Variants in PTK2B observed in about 807,000 individuals in gnomAD.
PTK2B encodes protein-tyrosine kinase 2-beta.
PTK2B carries 71 observed loss-of-function variants against 142.9 expected under a neutral mutation model. That is an observed-to-expected ratio of 0.50 (90% CI 0.41 to 0.61). The LOEUF is 0.61. Ranked by LOEUF, PTK2B falls within the 20% of genes least tolerant of loss-of-function variation. The pLI, the probability that PTK2B is intolerant of heterozygous loss-of-function variation, is 0.00. For missense variants in PTK2B, 1,105 were observed against 1,320.4 expected (o/e 0.84, Z 2.53); for synonymous variants, 519 against 503.4 (o/e 1.03, Z -0.42).
At chr8:27,431,540 G>A (rs557297158) in intron 9 of PTK2B, 68 bp downstream of exon 9, 90 of 1,574,846 alleles carry the variant, frequency 5.7e-5, no homozygotes, top group Admixed American at 1.2e-4. Flanking sequence ...GCTGCCTCCC[G>A]CCCTGTCTGC....
chr8:27,337,766 A>C (rs58134046), intron 1 of PTK2B, among the ~76,000 whole-genome samples: 2,907 of 152,290 alleles, frequency 0.019, 77 homozygotes, highest in African/African-American at 0.067. Flanking sequence ...TTATCTCTTC[A>C]TTAGTAAACA....
At position 27,459,361 on chromosome 8, in the gene PTK2B, G is replaced by C. The variant is rs1447512669; in HGVS notation, c.*852G>C. 1 of 232,944 alleles carries C rather than the reference G, an allele frequency of 4.3e-6. No homozygotes were observed. Among genetic ancestry groups the C allele is most frequent in the East Asian group, 6.0e-5 (1 of 16,578 alleles). The allele number at this position is 232,944 out of a possible 1,614,324, so 14.4% of individuals were successfully genotyped here. A position where few individuals can be genotyped will look rare whatever the true frequency, so the allele number is the denominator to read the frequency against. The stretch of plus-strand genomic sequence containing the variant: ...TTTAACTTCTTTCTATTTGACTTGT[G>C]GTTGAATTAAAATTGTCCCATTTGC... On this transcript the variant is annotated 3_prime_UTR_variant, in exon 31 of 31. Coordinates refer to ENST00000346049, the MANE Select transcript of PTK2B (RefSeq NM_173176.3).
At chr8:27,379,372 A>G (rs1300072772) in intron 1 of PTK2B, among the ~76,000 whole-genome samples, 1 of 152,160 alleles carries the variant, frequency 6.6e-6, no homozygotes, top group African/African-American at 2.4e-5. Context: ...GACTACAGGC[A>G]CATGCCACCA....
At chr8:27,424,783 G>A (rs1809973977) in intron 5 of PTK2B, among the ~76,000 whole-genome samples, 2 of 152,042 alleles carry the variant, frequency 1.3e-5, no homozygotes, top group Admixed American at 1.3e-4. Flanking sequence ...CCAGAGTGTG[G>A]GGCTACCTAC....
chr8:27,454,075 A>C, intron 28 of PTK2B, 79 bp from the exon 29 acceptor site: 1 of 1,575,790 alleles, frequency 6.3e-7, no homozygotes, highest in South Asian at 1.1e-5. Context: ...AGTTGGCCAC[A>C]GTGGTGCCTG....
intron 5 of PTK2B, among the ~76,000 whole-genome samples, chr8:27,424,710 A>G (rs536041768): frequency 5.9e-5 from 9 of 152,232 alleles, no homozygotes; most frequent in Non-Finnish European, 1.0e-4. Context: ...AATTGGACAC[A>G]CTTCGGAAAA....
rs1477944248 is a variant in PTK2B, at chr8:27,437,104, AAC to A, written c.1342-13_1342-12del. 3.1e-6 allele frequency: 5 copies of A among 1,609,260 alleles called. No individual in the cohort carries two copies. Among genetic ancestry groups the A allele is most frequent in the Non-Finnish European group, 4.3e-6 (5 of 1,175,586 alleles). ...CACTGGGCTGGACCAAGGGGTCCTG[AAC>A]ACACTCTTGTTACAGAAAGGGGAGA... is the stretch of plus-strand genomic sequence containing the variant. On this transcript the variant is annotated splice_polypyrimidine_tract_variant and intron_variant, in intron 15 of 30. Coordinates refer to ENST00000346049, the MANE Select transcript of PTK2B (RefSeq NM_173176.3).
intron 1 of PTK2B, among the ~76,000 whole-genome samples, chr8:27,350,611 A>C (rs966659962): frequency 4.9e-4 from 75 of 152,098 alleles, no homozygotes; most frequent in African/African-American, 1.8e-3. Flanking sequence ...CCTGCTTCGT[A>C]ATAAAGTTGC....
Position 27,317,109 on chromosome 8 carries a change from A to G in PTK2B, c.-414+3822A>G, listed in dbSNP as rs900045945. Among the ~76,000 whole-genome samples, 9 of 152,190 alleles carry G rather than the reference A, an allele frequency of 5.9e-5. 1 individual carries two copies. Among genetic ancestry groups the G allele is most frequent in the African/African-American group, 2.4e-5 (1 of 41,442 alleles). On this transcript the variant is annotated intron_variant, in intron 3 of 35. Transcript: ENST00000397501. ...CCAGCATCTTATCCTGATATGAACC[A>G]ATGTCCAGAAATGAAATAAGGCCAT...
rs1413515766 is a variant in PTK2B at position 27,434,143 on chromosome 8, T to C, written c.1145+11T>C. 1.9e-6 allele frequency: 3 copies of C among 1,613,330 alleles called. No homozygotes were observed. The African/African-American group carries it at 4.0e-5, about 22-fold the overall frequency. On this transcript the variant is annotated intron_variant, in intron 12 of 30. Coordinates refer to ENST00000346049, the MANE Select transcript of PTK2B (RefSeq NM_173176.3). Reference sequence around the variant, plus strand: ...CCAGATCCCCATGCTGTGAGTACAATGGGGTGCAGAGGACAGGGCCCTGAG... The same window carrying C: ...CCAGATCCCCATGCTGTGAGTACAACGGGGTGCAGAGGACAGGGCCCTGAG...
chr8:27,426,371 A>G (rs1810082630), intron 5 of PTK2B, among the ~76,000 whole-genome samples: 1 of 152,184 alleles, frequency 6.6e-6, no homozygotes, highest in Non-Finnish European at 1.5e-5. Flanking sequence ...TTGAGCTGGA[A>G]GGACCAGTCA....
At chr8:27,454,062 T>G in intron 28 of PTK2B, 92 bp from the exon 29 acceptor site, 4 of 1,521,692 alleles carry the variant, frequency 2.6e-6, no homozygotes, top group Non-Finnish European at 3.6e-6. Context: ...GGGCTGGTGG[T>G]GGAGTTGGCC....
rs199822507 is a variant in PTK2B, at chr8:27,454,088, C to G, written c.2596-66C>G. 89 of 1,597,760 alleles carry G rather than the reference C, an allele frequency of 5.6e-5. No individual in the cohort carries two copies. In the Middle Eastern group the frequency reaches 8.4e-4, roughly 15 times the overall value. On this transcript the variant is annotated intron_variant, in intron 28 of 30. Transcript: ENST00000346049. ...GGAGTTGGCCACAGTGGTGCCTGCC[C>G]AGGAAAGAATCATTCCGTGCCCCTG...
intron 3 of PTK2B, among the ~76,000 whole-genome samples, chr8:27,319,922 G>A (rs906617463): frequency 6.6e-6 from 1 of 152,188 alleles, no homozygotes; most frequent in Non-Finnish European, 1.5e-5. Context: ...CAACAGTCAC[G>A]TCTGATGCTG....
chr8:27,427,590 A>G (rs750779356), intron 5 of PTK2B, among the ~76,000 whole-genome samples: 4 of 152,238 alleles, frequency 2.6e-5, no homozygotes, highest in African/African-American at 4.8e-5. Context: ...TCAGTTACCT[A>G]GGAGTATATT....
chr8:27,450,126 T>C (rs2132432521), intron 24 of PTK2B, among the ~76,000 whole-genome samples: 1 of 152,322 alleles, frequency 6.6e-6, no homozygotes, highest in East Asian at 1.9e-4. Flanking sequence ...ATAAAGAATG[T>C]GTCTTAATAG....
chr8:27,397,417 A>T (rs1808118988), intron 1 of PTK2B, 131 bp from the exon 2 acceptor site: 1 of 692,418 alleles, frequency 1.4e-6, no homozygotes, highest in Non-Finnish European at 2.4e-6. Context: ...CTTGCAGGGG[A>T]GCTTTTGGGA....
At chr8:27,443,638 C>T (rs987323342) in intron 22 of PTK2B, among the ~76,000 whole-genome samples, 2 of 152,196 alleles carry the variant, frequency 1.3e-5, no homozygotes, top group African/African-American at 2.4e-5. Context: ...CTCATAACCT[C>T]ATCTAACCCT....
At chr8:27,375,427 T>G (rs916134807) in intron 1 of PTK2B, among the ~76,000 whole-genome samples, 4 of 152,200 alleles carry the variant, frequency 2.6e-5, no homozygotes, top group African/African-American at 9.7e-5. Context: ...CCCTTCCCAG[T>G]GGTCATCCAG....
Sources: gnomAD v4.1 joint callset for allele counts (sites outside exome capture counted in the v4.1 genomes callset) on GRCh38, gnomAD v4.1.1 for gene constraint, MANE v1.5 for transcripts, NCBI Gene and HGNC (gene_info 2026-07-23, HGNC 2026-07-21) for gene names.